The following PDCL2 variants were observed in gnomAD, a reference collection of about 807,000 sequenced individuals.
PDCL2 encodes phosducin like 2.
Under a neutral mutation model 30.3 loss-of-function variants are expected in PDCL2, and 23 were observed. The observed-to-expected ratio is 0.76, with a 90% CI of 0.55 to 1.08. PDCL2 has a LOEUF of 1.08. PDCL2 is among the 50% of genes least tolerant of loss of function. PDCL2 has a pLI of 0.00. For missense variants in PDCL2, 243 were observed against 282.3 expected, an observed-to-expected ratio of 0.86 and a Z score of 1.00; for synonymous variants, 68 against 86.2, an observed-to-expected ratio of 0.79 and a Z score of 1.17.
chr4:55,563,790 C>A (rs1466941405), intron 4 of PDCL2, among the ~76,000 whole-genome samples: 2 of 152,122 alleles, frequency 1.3e-5, no homozygotes, highest in Non-Finnish European at 2.9e-5. Flanking sequence ...ACAAGACAGG[C>A]TATGGGAGGC....
At chr4:55,582,358 G>A in intron 1 of PDCL2, 121 bp from the exon 2 acceptor site, 1 of 1,155,132 alleles carries the variant, frequency 8.7e-7, no homozygotes. Context: ...ACAGTTAATT[G>A]GTTTTGAAGA....
At chr4:55,567,270 C>T (rs1399884733) in intron 4 of PDCL2, among the ~76,000 whole-genome samples, 4 of 152,194 alleles carry the variant, frequency 2.6e-5, no homozygotes, top group Admixed American at 6.5e-5. Flanking sequence ...CAGTGGTTCA[C>T]GCCTGTAATC....
chr4:55,585,531 C>T (rs1266075732), intron 1 of PDCL2, among the ~76,000 whole-genome samples: 6 of 151,884 alleles, frequency 4.0e-5, no homozygotes, highest in African/African-American at 1.5e-4. Flanking sequence ...CTGTCACACA[C>T]ACACACACAC....
intron 3 of PDCL2, among the ~76,000 whole-genome samples, chr4:55,572,322 A>T (rs1468531563): frequency 2.0e-5 from 3 of 152,212 alleles, no homozygotes; most frequent in African/African-American, 7.2e-5. Context: ...CAGGCTCTAG[A>T]CTGGGATACC....
At chr4:55,557,236 A>T (rs1731994511) in intron 5 of PDCL2, among the ~76,000 whole-genome samples, 1 of 152,224 alleles carries the variant, frequency 6.6e-6, no homozygotes, top group South Asian at 2.1e-4. Flanking sequence ...AATTATGGTT[A>T]AACTGGGTCT....
chr4:55,565,894 G>C (rs1299585088), intron 4 of PDCL2, among the ~76,000 whole-genome samples: 1 of 149,130 alleles, frequency 6.7e-6, no homozygotes, highest in Non-Finnish European at 1.5e-5. Flanking sequence ...TGAACCCATT[G>C]TGTGGTTACA....
chr4:55,567,814 T>A (rs1019544701), intron 4 of PDCL2, among the ~76,000 whole-genome samples: 2 of 152,192 alleles, frequency 1.3e-5, no homozygotes, highest in African/African-American at 4.8e-5. Flanking sequence ...GGAGATCATA[T>A]CCAAAGGTAC....
intron 3 of PDCL2, among the ~76,000 whole-genome samples, chr4:55,573,150 T>A (rs949865830): frequency 1.3e-5 from 2 of 152,208 alleles, no homozygotes; most frequent in African/African-American, 4.8e-5. Flanking sequence ...CAATAAAGTC[T>A]GAGAAATATC....
intron 3 of PDCL2, among the ~76,000 whole-genome samples, chr4:55,573,226 G>A (rs905587321): frequency 2.6e-5 from 4 of 152,074 alleles, no homozygotes; most frequent in African/African-American, 9.7e-5. Context: ...ATGTCAAAAA[G>A]GCCAATTTAG....
intron 4 of PDCL2, among the ~76,000 whole-genome samples, chr4:55,567,559 A>T (rs1171022486): frequency 6.6e-6 from 1 of 152,100 alleles, no homozygotes; most frequent in Non-Finnish European, 1.5e-5. Context: ...GAGAATCACA[A>T]CCTACTCCCT....
chr4:55,572,680 C>T (rs377067102), intron 3 of PDCL2, among the ~76,000 whole-genome samples: 128 of 152,136 alleles, frequency 8.4e-4, no homozygotes, highest in South Asian at 6.6e-3. Flanking sequence ...AATTATAAAA[C>T]AAAAAAAGAA....
chr4:55,557,285 T>C (rs763112012), intron 5 of PDCL2, among the ~76,000 whole-genome samples: 34 of 152,174 alleles, frequency 2.2e-4, no homozygotes, highest in Admixed American at 1.3e-4. Flanking sequence ...GTGACTTGAG[T>C]AATTTATAAA....
At chr4:55,570,421 G>A (rs1560501090) in intron 3 of PDCL2, among the ~76,000 whole-genome samples, 1 of 152,192 alleles carries the variant, frequency 6.6e-6, no homozygotes, top group Non-Finnish European at 1.5e-5. Flanking sequence ...CAGAGAGGTA[G>A]TAGAGGAGAG....
intron 4 of PDCL2, among the ~76,000 whole-genome samples, chr4:55,564,332 G>A (rs1482487033): frequency 6.6e-6 from 1 of 152,138 alleles, no homozygotes; most frequent in African/African-American, 2.4e-5. Flanking sequence ...TTGTGATGCA[G>A]GGAGAAAGGG....
intron 4 of PDCL2, among the ~76,000 whole-genome samples, chr4:55,569,215 A>AT (rs199854439): frequency 6.6e-6 from 1 of 150,820 alleles, no homozygotes; most frequent in East Asian, 1.9e-4. Context: ...AGGAAATATA[A>AT]TTTTTTTTTC....
intron 3 of PDCL2, among the ~76,000 whole-genome samples, chr4:55,573,344 C>T (rs1414388871): frequency 6.6e-6 from 1 of 152,008 alleles, no homozygotes; most frequent in Admixed American, 6.5e-5. Flanking sequence ...TGTTATTTTA[C>T]AGCTAATTAT....
chr4:55,582,212 T>C lies in PDCL2; in HGVS notation c.32A>G (p.Asn11Ser), dbSNP rs1732735142. Residue 11 changes from asparagine to serine, a missense_variant, in exon 2 of 6, where the codon AAT (asparagine) becomes AGT (serine). Coordinates refer to ENST00000295645, the MANE Select transcript of PDCL2 (RefSeq NM_152401.3). MQDPNEDTEW[N>S]DILRDFGILP... Reference sequence around the variant, plus strand: ...AATGCCGAAATCTCTTAAAATGTCATTCCATTCTGTATCTTCATTGGGATC... The same window carrying C: ...AATGCCGAAATCTCTTAAAATGTCACTCCATTCTGTATCTTCATTGGGATC... 10 of 1,610,682 alleles carry C rather than the reference T, an allele frequency of 6.2e-6. No homozygotes were observed. The highest frequency in any genetic ancestry group is 5.9e-6 in the Non-Finnish European group (7 of 1,178,700).
intron 1 of PDCL2, among the ~76,000 whole-genome samples, chr4:55,590,789 T>C (rs1313595722): frequency 6.6e-6 from 1 of 152,056 alleles, no homozygotes; most frequent in African/African-American, 2.4e-5. Context: ...GCCACTGCCC[T>C]CGGCCATGAA....
chr4:55,588,853 T>G (rs1174256568), intron 1 of PDCL2, among the ~76,000 whole-genome samples: 3 of 139,026 alleles, frequency 2.2e-5, no homozygotes, highest in African/African-American at 8.2e-5. Flanking sequence ...TAGTTTTCAG[T>G]ATTTATAAGT....
Sources: gnomAD v4.1 joint callset for allele counts (sites outside exome capture counted in the v4.1 genomes callset) on GRCh38, gnomAD v4.1.1 for gene constraint, MANE v1.5 for transcripts, NCBI Gene and HGNC (gene_info 2026-07-23, HGNC 2026-07-21) for gene names.